STARD13: variants seen among roughly 807,000 people sequenced by gnomAD.
STARD13 encodes the protein StAR related lipid transfer domain containing 13, also known as stAR-related lipid transfer protein 13.
A neutral mutation model predicts 106.4 loss-of-function variants in STARD13; 62 were observed. The observed-to-expected ratio is 0.58, with a 90% CI of 0.48 to 0.72. The LOEUF (loss-of-function observed/expected upper bound fraction) is 0.72. Ranked by LOEUF, STARD13 falls within the 30% of genes least tolerant of loss-of-function variation. STARD13 has a pLI of 0.00. For missense variants in STARD13, 1,387 were observed against 1,424.0 expected (o/e 0.97, Z 0.42); for synonymous variants, 565 against 553.0 (o/e 1.02, Z -0.31).
rs138706260 is a variant in STARD13 at position 33,232,089 on chromosome 13, G to A, written c.169+53381C>T. 3.8e-3 allele frequency among the ~76,000 whole-genome samples: 585 copies of A among 152,336 alleles called. 4 individuals carry two copies. The highest frequency in any genetic ancestry group is 5.7e-3 in the Non-Finnish European group (385 of 68,028). On this transcript the variant is annotated intron_variant, in intron 1 of 13. Transcript: ENST00000336934. ...GCACTTTGGGAGGCCAAGATGGGTG[G>A]ATCACCTTAGGTCAGGAGTTCGAGG... is the stretch of plus-strand genomic sequence containing the variant.
chr13:33,195,615 TAGCACCC>T (rs1886557972), intron 1 of STARD13, among the ~76,000 whole-genome samples: 1 of 152,214 alleles, frequency 6.6e-6, no homozygotes, highest in Admixed American at 6.5e-5. Flanking sequence ...AGCCGACACG[TAGCACCC>T]ACGACAGTAT....
At chr13:33,408,186 C>T in the STARD13 span, among the ~76,000 whole-genome samples, 2 of 152,018 alleles carry the variant, frequency 1.3e-5, no homozygotes, top group Non-Finnish European at 2.9e-5. Flanking sequence ...AATTGACCGT[C>T]GTAATCATTT....
At chr13:33,507,647 C>T in the STARD13 span, among the ~76,000 whole-genome samples, 1 of 152,148 alleles carries the variant, frequency 6.6e-6, no homozygotes, top group East Asian at 1.9e-4. Context: ...AAAATCCAAG[C>T]ATAACTTGTG....
intron 1 of STARD13, among the ~76,000 whole-genome samples, chr13:33,260,827 G>A (rs7317091): frequency 0.2 from 29,667 of 151,240 alleles, 3,278 homozygotes; most frequent in African/African-American, 0.28. Flanking sequence ...CCTTGAAAAC[G>A]TAAGTGTTTC....
At chr13:33,105,803 T>A (rs9568847) in intron 13 of STARD13, 93 bp from the exon 14 acceptor site, 5 of 1,038,616 alleles carry the variant, frequency 4.8e-6, no homozygotes, top group South Asian at 3.9e-5. Flanking sequence ...TGGGCCCCGA[T>A]GACCAGTGAA....
the STARD13 span, among the ~76,000 whole-genome samples, chr13:33,631,653 G>C: frequency 6.6e-6 from 1 of 151,582 alleles, no homozygotes; most frequent in Non-Finnish European, 1.5e-5. Context: ...AAATGTCTAT[G>C]ATAGTTATAT....
chr13:33,130,415 T>C lies in STARD13; in HGVS notation c.388-126A>G, dbSNP rs1878119441. Reference sequence around the variant, plus strand: ...CCCTCTGTCCTCCCATGCACAGGTGTGAGCTTCTTGGGCACCTCTAAGCTG... The same window carrying C: ...CCCTCTGTCCTCCCATGCACAGGTGCGAGCTTCTTGGGCACCTCTAAGCTG... On this transcript the variant is annotated intron_variant, in intron 4 of 13. Coordinates refer to ENST00000336934, the MANE Select transcript of STARD13 (RefSeq NM_178006.4). The surrounding 1 kb of genome is among the most constrained non-coding windows in gnomAD (Gnocchi z 4.1). 2 of 875,980 alleles carry C rather than the reference T, an allele frequency of 2.3e-6. No individual in the cohort carries two copies. The highest frequency in any genetic ancestry group is 1.7e-6 in the Non-Finnish European group (1 of 576,362). 54.3% of individuals were successfully genotyped at this position (875,980 alleles called of 1,614,324 possible).
the STARD13 span, among the ~76,000 whole-genome samples, chr13:33,423,379 C>CAA: frequency 6.6e-6 from 1 of 152,162 alleles, no homozygotes; most frequent in African/African-American, 2.4e-5. Context: ...AAATGCAAAT[C>CAA]AAAACCACAA....
intron 1 of STARD13, among the ~76,000 whole-genome samples, chr13:33,245,545 T>G (rs1235700444): frequency 6.6e-6 from 1 of 152,210 alleles, no homozygotes; most frequent in Non-Finnish European, 1.5e-5. Flanking sequence ...TGGATACCAG[T>G]AATAAACTAA....
chr13:33,477,807 TTAGTTTATTTTGAATAAACG>T, the STARD13 span, among the ~76,000 whole-genome samples: 10 of 151,096 alleles, frequency 6.6e-5, no homozygotes, highest in Admixed American at 2.0e-4. Context: ...GAATTTATGT[TTAGTTTATTTTGAATAAACG>T]TAGAAATTGA....
At position 33,167,570 on chromosome 13, in the gene STARD13, T is replaced by C. The variant is rs377746891; in HGVS notation, c.222A>G (p.Gln74=). 106 of 1,614,092 alleles carry C rather than the reference T, an allele frequency of 6.6e-5. No individual in the cohort carries two copies. Among genetic ancestry groups the C allele is most frequent in the Non-Finnish European group, 8.6e-5 (102 of 1,180,032 alleles). Residue 74 remains glutamine, a synonymous_variant, in exon 2 of 14, where the codon CAA becomes CAG. Transcript: ENST00000336934. ...ACGTACCCTCATATAACTGAGCGTA[T>C]TGCGGGAACCCGGCAGCACGGAGCC... ...CDWLRAAGFP[Q]YAQLYEDSQF... is the part of the protein sequence containing the mutation.
chr13:33,657,798 C>A, the STARD13 span, among the ~76,000 whole-genome samples: 1 of 152,162 alleles, frequency 6.6e-6, no homozygotes, highest in Admixed American at 6.5e-5. Context: ...CCTATGCATT[C>A]ATACTACCAC....
intron 12 of STARD13, among the ~76,000 whole-genome samples, chr13:33,109,114 C>T (rs557323048): frequency 1.3e-5 from 2 of 152,146 alleles, no homozygotes; most frequent in East Asian, 1.9e-4. Flanking sequence ...TCCTTTTACA[C>T]TGCTGATCTG....
chr13:33,215,120 G>T (rs1486583471), intron 1 of STARD13, among the ~76,000 whole-genome samples: 4 of 36,884 alleles, frequency 1.1e-4, no homozygotes, highest in Non-Finnish European at 2.0e-4. Flanking sequence ...ATGAGTACTT[G>T]GGGGGGGGGG....
the STARD13 span, among the ~76,000 whole-genome samples, chr13:33,472,962 C>G: frequency 6.6e-6 from 1 of 152,122 alleles, no homozygotes; most frequent in Non-Finnish European, 1.5e-5. Flanking sequence ...TTTGAAAGGG[C>G]CTGACATGGC....
chr13:33,597,625 C>G, the STARD13 span, among the ~76,000 whole-genome samples: 26 of 151,778 alleles, frequency 1.7e-4, no homozygotes, highest in African/African-American at 6.3e-4. Flanking sequence ...GCAGGCAGAT[C>G]ACCTGAGGTC....
rs1449458082 is a variant in STARD13, at chr13:33,298,389, G to A, written c.124+51901C>T. On this transcript the variant is annotated intron_variant, in intron 1 of 5. Transcript: ENST00000567873. ...TGACCTCAAATGATCCACCCACCTC[G>A]GCCTCCCAAAGTGCTGGGATTACAG... Among the ~76,000 whole-genome samples, 4 of 149,272 alleles carry A rather than the reference G, an allele frequency of 2.7e-5. No individual in the cohort carries two copies. In the East Asian group the frequency reaches 5.9e-4, roughly 22 times the overall value.
At chr13:33,665,229 A>G in the STARD13 span, among the ~76,000 whole-genome samples, 6 of 152,152 alleles carry the variant, frequency 3.9e-5, no homozygotes, top group Non-Finnish European at 7.3e-5. Flanking sequence ...ACTGGAGAAA[A>G]CCTGAATCCC....
the STARD13 span, among the ~76,000 whole-genome samples, chr13:33,587,340 G>A: frequency 6.6e-6 from 1 of 152,026 alleles, no homozygotes; most frequent in East Asian, 1.9e-4. Flanking sequence ...CCCACATCTA[G>A]GAGCCAGACA....
Sources: allele counts gnomAD v4.1 joint callset (sites outside exome capture counted in the v4.1 genomes callset), GRCh38; gene constraint gnomAD v4.1.1; non-coding constraint Gnocchi (gnomAD v3.1); transcripts MANE v1.5; gene names NCBI Gene and HGNC (gene_info 2026-07-23, HGNC 2026-07-21).